Variants in MTSS2 observed in about 807,000 individuals in gnomAD.
MTSS2 encodes protein MTSS 2.
Under a neutral mutation model 67.1 loss-of-function variants are expected in MTSS2, and 27 were observed. That is an observed-to-expected ratio of 0.40 (90% CI 0.30 to 0.55). MTSS2 has a LOEUF of 0.55. Ranked by LOEUF, MTSS2 falls within the 20% of genes least tolerant of loss-of-function variation. The pLI is 0.43. For synonymous variants in MTSS2, 624 were observed against 468.6 expected (o/e 1.33, Z -4.28); for missense variants, 1,171 against 1,067.8 (o/e 1.10, Z -1.35).
chr16:70,676,317 G>A (rs554732975), intron 10 of MTSS2, among the ~76,000 whole-genome samples: 1 of 152,352 alleles, frequency 6.6e-6, no homozygotes, highest in South Asian at 2.1e-4. Context: ...AGGCTCCCGG[G>A]GCTAGCCTGG....
At position 70,663,972 on chromosome 16, in the gene MTSS2, G is replaced by A. The variant is rs764901988; in HGVS notation, c.1949C>T (p.Pro650Leu). 1 of 1,577,012 alleles carries A rather than the reference G, an allele frequency of 6.3e-7. No individual in the cohort carries two copies. The highest frequency in any genetic ancestry group is 2.3e-5 in the East Asian group (1 of 43,194). Residue 650 changes from proline to leucine, a missense_variant, in exon 15 of 15, where the codon CCA (proline) becomes CTA (leucine). Physicochemically the swap from Pro to Leu is moderately conservative, Grantham distance 98. Transcript: ENST00000338779. The part of the protein sequence containing the change: ...LPNTAWGSPS[P>L]EAAGYPGAGA... The stretch of plus-strand genomic sequence containing the variant: ...TGCCCCGGGGTACCCGGCTGCCTCT[G>A]GGGATGGGCTGCCCCAGGCTGTGTT...
At chr16:70,666,261 A>AC (rs1349659387) in intron 11 of MTSS2, among the ~76,000 whole-genome samples, 1 of 151,160 alleles carries the variant, frequency 6.6e-6, no homozygotes, top group African/African-American at 2.4e-5. Context: ...GTCCATGGAG[A>AC]CCCCGAGGAG....
rs1203671588 is a variant in MTSS2 at position 70,664,955 on chromosome 16, G to C, written c.1270C>G (p.Arg424Gly). 5.7e-6 allele frequency: 9 copies of C among 1,568,492 alleles called. No individual in the cohort carries two copies. Among genetic ancestry groups the C allele is most frequent in the Non-Finnish European group, 7.7e-6 (9 of 1,165,132 alleles). ...TLGPSGEEAPRPRMSPATIAA... is the reference protein window; with the variant it reads ...TLGPSGEEAPGPRMSPATIAA... ...ATGGTGGCAGGGGACATCCGGGGTC[G>C]CGGTGCCTCTTCCCCGCTGGGGCCC... is the stretch of plus-strand genomic sequence containing the variant. The change falls in exon 13 of 15, where the codon CGA (arginine) becomes GGA (glycine). Residue 424 changes from arginine (R) to glycine (G), a missense_variant. Arg to Gly is a moderately radical substitution (Grantham distance 125). This residue lies in a region of MTSS2 where 924 missense variants were observed against 756.0 expected (regional missense o/e 1.22). Transcript: ENST00000338779.
rs184670405 is a variant in MTSS2, at chr16:70,673,241, G to A, written c.1053+1065C>T. On this transcript the variant is annotated intron_variant, in intron 11 of 14. Coordinates refer to ENST00000338779, the MANE Select transcript of MTSS2 (RefSeq NM_138383.3). Reference sequence around the variant, plus strand: ...AAATGAAAGACATGAATACCAACAAGGAGAGGTTAAATAAAAATAAATCCA... The same window carrying A: ...AAATGAAAGACATGAATACCAACAAAGAGAGGTTAAATAAAAATAAATCCA... Among the ~76,000 whole-genome samples the A allele has an allele frequency of 1.7e-4, 26 of 152,236 alleles. No homozygotes were observed. In the East Asian group the frequency reaches 5.0e-3, roughly 29 times the overall value.
chr16:70,685,057 G>C (rs961403952), intron 1 of MTSS2, among the ~76,000 whole-genome samples: 11 of 152,140 alleles, frequency 7.2e-5, no homozygotes, highest in Non-Finnish European at 1.3e-4. Context: ...GGTGGTAATG[G>C]GGTAGGAAAA....
At chr16:70,669,714 G>T (rs2124832) in intron 11 of MTSS2, among the ~76,000 whole-genome samples, 1 of 151,904 alleles carries the variant, frequency 6.6e-6, no homozygotes, top group African/African-American at 2.4e-5. Context: ...CTACTCGGGA[G>T]GCTGAGGCAG....
intron 1 of MTSS2, among the ~76,000 whole-genome samples, chr16:70,684,501 C>T (rs926397353): frequency 3.3e-5 from 5 of 152,200 alleles, no homozygotes; most frequent in Admixed American, 6.5e-5. Flanking sequence ...CCGGGAGCCT[C>T]GAACTCCAAC....
Position 70,676,941 on chromosome 16 carries a change from G to C in MTSS2, c.770C>G (p.Ser257Cys). The C allele has an allele frequency of 6.2e-7, 1 of 1,613,962 alleles. No homozygotes were observed. The highest frequency in any genetic ancestry group is 1.3e-5 in the African/African-American group (1 of 75,016). ...KDLKGSDYSW[S>C]YQTPPSSPSS... ...GGGTGATGAGGGTGGGGTCTGGTAG[G>C]ACCAGCTGTAGTCCGAGCCCTTTAG... The change falls in exon 10 of 15, where the codon TCC becomes TGC. Residue 257 changes from serine (S) to cysteine (C), a missense_variant. Physicochemically the swap from Ser to Cys is moderately radical, Grantham distance 112. Coordinates refer to ENST00000338779, the MANE Select transcript of MTSS2 (RefSeq NM_138383.3).
Position 70,664,223 on chromosome 16 carries a change from G to A in MTSS2, c.1698C>T (p.Arg566=), listed in dbSNP as rs1011571673. Residue 566 remains arginine (R), a synonymous_variant, in exon 15 of 15, where the codon CGC becomes CGT. Coordinates refer to ENST00000338779, the MANE Select transcript of MTSS2 (RefSeq NM_138383.3). Reference sequence around the variant, plus strand: ...GCACGGTGGGCTTGGTGGAGGGTGTGCGGCGGATGGTGGCCACGCCGGGGG... The same window carrying A: ...GCACGGTGGGCTTGGTGGAGGGTGTACGGCGGATGGTGGCCACGCCGGGGG... ...GAPPGVATIR[R]TPSTKPTVRR... The A allele has an allele frequency of 1.3e-6, 2 of 1,579,508 alleles. No individual in the cohort carries two copies. The highest frequency in any genetic ancestry group is 2.2e-5 in the East Asian group (1 of 44,522).
At chr16:70,681,338 G>C (rs1398698298) in intron 1 of MTSS2, among the ~76,000 whole-genome samples, 1 of 152,250 alleles carries the variant, frequency 6.6e-6, no homozygotes, top group East Asian at 1.9e-4. Context: ...GAAGTGGCAG[G>C]TCCTGTCCCC....
rs374985478 is a variant in MTSS2 at position 70,663,909 on chromosome 16, C to T, written c.2012G>A (p.Arg671Gln). ...CCCCAGCTTCTCCACCAGGCTGTGC[C>T]GGTTGGCCGCCAGCTGCTGCTGCTC... is the stretch of plus-strand genomic sequence containing the variant. ...EDEQQQLAANRHSLVEKLGEL... is the reference protein window; with the variant it reads ...EDEQQQLAANQHSLVEKLGEL... Residue 671 changes from arginine to glutamine, a missense_variant, in exon 15 of 15, where the codon CGG becomes CAG. Arg to Gln is a conservative substitution (Grantham distance 43). Transcript: ENST00000338779. 5.9e-5 allele frequency: 92 copies of T among 1,549,370 alleles called. No individual in the cohort carries two copies. Among genetic ancestry groups the T allele is most frequent in the Non-Finnish European group, 7.7e-5 (88 of 1,149,276 alleles).
intron 3 of MTSS2, 79 bp downstream of exon 3, chr16:70,680,714 TG>T: frequency 7.7e-7 from 1 of 1,292,922 alleles, no homozygotes; most frequent in Non-Finnish European, 1.1e-6. Context: ...GTCCTTTCCC[TG>T]GCCCATCCCC....
intron 7 of MTSS2, among the ~76,000 whole-genome samples, chr16:70,679,044 C>T (rs1435802752): frequency 3.3e-5 from 5 of 152,148 alleles, no homozygotes; most frequent in Admixed American, 6.5e-5. Context: ...CTGGTGGGGG[C>T]GGGGCAGCCA....
chr16:70,665,976 G>C (rs1445892225), intron 11 of MTSS2: 2 of 164,510 alleles, frequency 1.2e-5, no homozygotes, highest in African/African-American at 4.8e-5. Context: ...CTGCCTCTGA[G>C]GTCTCTGCAT....
At chr16:70,671,851 G>A (rs911574812) in intron 11 of MTSS2, among the ~76,000 whole-genome samples, 10 of 152,218 alleles carry the variant, frequency 6.6e-5, no homozygotes, top group African/African-American at 2.2e-4. Flanking sequence ...GGGGACAACC[G>A]CACTTCTGTG....
At chr16:70,680,752 C>T in intron 3 of MTSS2, 42 bp downstream of exon 3, 1 of 1,533,662 alleles carries the variant, frequency 6.5e-7, no homozygotes, top group Non-Finnish European at 8.8e-7. Context: ...CCTCCAGGCC[C>T]ACCCTGGGGC....
rs1443300627 is a variant in MTSS2 at position 70,685,563 on chromosome 16, G to A, written c.69+160C>T. 2.0e-5 allele frequency among the ~76,000 whole-genome samples: 3 copies of A among 152,148 alleles called. No individual in the cohort carries two copies. The East Asian group carries it at 5.8e-4, about 29-fold the overall frequency. On this transcript the variant is annotated intron_variant, in intron 1 of 14. Transcript: ENST00000338779. ...ACCCACACCCCCAGACGGGCACCCG[G>A]AGACACGGGCGCCCAGCAGACGCAG... is the stretch of plus-strand genomic sequence containing the variant.
rs965782179 is a variant in MTSS2, at chr16:70,666,233, C to T, written c.1054-693G>A. Among the ~76,000 whole-genome samples, 7 of 151,924 alleles carry T rather than the reference C, an allele frequency of 4.6e-5. No individual in the cohort carries two copies. The South Asian group carries it at 8.3e-4, about 18-fold the overall frequency. On this transcript the variant is annotated intron_variant, in intron 11 of 14. Coordinates refer to ENST00000338779, the MANE Select transcript of MTSS2 (RefSeq NM_138383.3). Reference sequence around the variant, plus strand: ...TGCTGATGCTGCTGGGTGGGGCCATCGGCTTGGGGCACAGGGTGTCCATGG... The same window carrying T: ...TGCTGATGCTGCTGGGTGGGGCCATTGGCTTGGGGCACAGGGTGTCCATGG...
intron 10 of MTSS2, 46 bp downstream of exon 10, chr16:70,676,835 T>G (rs1484163359): frequency 3.9e-6 from 6 of 1,551,600 alleles, no homozygotes; most frequent in Non-Finnish European, 5.3e-6. Flanking sequence ...CCACTTCCTC[T>G]TGGGATACCG....
Sources: gnomAD v4.1 joint callset for allele counts (sites outside exome capture counted in the v4.1 genomes callset) on GRCh38, gnomAD v4.1.1 for gene constraint, gnomAD v4.1.1 regional missense constraint, MANE v1.5 for transcripts, NCBI Gene and HGNC (gene_info 2026-07-23, HGNC 2026-07-21) for gene names.